Variants in CLPX observed in about 807,000 individuals in gnomAD.
The protein encoded by CLPX is ATP-dependent clpX-like chaperone, mitochondrial.
In CLPX, 34 loss-of-function variants were observed where a neutral mutation model predicts 76.4. That is an observed-to-expected ratio of 0.45 (90% CI 0.34 to 0.59). CLPX has a LOEUF of 0.59. Ranked by LOEUF, CLPX falls within the 20% of genes least tolerant of loss-of-function variation. The pLI is 0.01. For missense variants in CLPX, 613 were observed against 757.0 expected (o/e 0.81, Z 2.23); for synonymous variants, 248 against 270.9 (o/e 0.92, Z 0.83).
At position 65,149,987 on chromosome 15, in the gene CLPX, C is replaced by T. The variant is rs757374714; in HGVS notation, c.*836G>A. ...AGATAAGACTAGGAATACAGCTAAA[C>T]CAATTATCAAAATATAGTTCTTCAG... is the stretch of plus-strand genomic sequence containing the variant. On this transcript the variant is annotated 3_prime_UTR_variant, in exon 14 of 14. Coordinates refer to ENST00000300107, the MANE Select transcript of CLPX (RefSeq NM_006660.5). 34 of 152,030 alleles carry T rather than the reference C, an allele frequency of 2.2e-4. No individual in the cohort carries two copies. Among genetic ancestry groups the T allele is most frequent in the Non-Finnish European group, 4.4e-4 (30 of 68,212 alleles). The allele number at this position is 152,030 out of a possible 1,614,324, so 9.4% of individuals were successfully genotyped here. A position where few individuals can be genotyped will look rare whatever the true frequency, so the allele number is the denominator to read the frequency against.
At chr15:65,171,197 A>G (rs745316685) in intron 3 of CLPX, among the ~76,000 whole-genome samples, 47 of 152,218 alleles carry the variant, frequency 3.1e-4, no homozygotes, top group Non-Finnish European at 5.1e-4. Flanking sequence ...CTGTAATCCT[A>G]GCACTCTGGG....
At chr15:65,154,723 G>A in intron 11 of CLPX, 59 bp downstream of exon 11, 2 of 1,346,604 alleles carry the variant, frequency 1.5e-6, no homozygotes, top group Non-Finnish European at 2.0e-6. Context: ...GTTAATTTAT[G>A]TAGAATTTCA....
chr15:65,161,841 G>A (rs1402014230), intron 6 of CLPX, among the ~76,000 whole-genome samples: 2 of 151,592 alleles, frequency 1.3e-5, no homozygotes, highest in Non-Finnish European at 2.9e-5. Flanking sequence ...AAAAATAACT[G>A]GGGATAATGT....
chr15:65,170,571 C>T (rs1426551253), intron 3 of CLPX, among the ~76,000 whole-genome samples: 1 of 151,878 alleles, frequency 6.6e-6, no homozygotes, highest in Non-Finnish European at 1.5e-5. Flanking sequence ...TTGAGACCAC[C>T]CTGGCCAACA....
rs36113271 is a variant in CLPX at position 65,149,860 on chromosome 15, T to TAA, written c.*961_*962dup. 0.011 allele frequency: 1,259 copies of TAA among 118,732 alleles called. 23 individuals are homozygous for TAA. The highest frequency in any genetic ancestry group is 0.024 in the African/African-American group (745 of 30,422). The allele number at this position is 118,732 out of a possible 1,614,324, so 7.4% of individuals were successfully genotyped here. On this transcript the variant is annotated 3_prime_UTR_variant, in exon 14 of 14. Coordinates refer to ENST00000300107, the MANE Select transcript of CLPX (RefSeq NM_006660.5). ...GGGACAGCGTGAGACTCCGCTCAAT[T>TAA]AAAAAAAAAAAAAAAAAAAAGATGG...
chr15:65,166,919 A>G (rs2140631367), intron 3 of CLPX, 134 bp from the exon 4 acceptor site: 1 of 785,160 alleles, frequency 1.3e-6, no homozygotes, highest in Admixed American at 3.0e-5. Flanking sequence ...TACTTGCCAC[A>G]CAAACAGCCT....
chr15:65,151,520 C>G lies in CLPX; in HGVS notation c.1812-607G>C, dbSNP rs1005168740. Among the ~76,000 whole-genome samples, 8 of 146,434 alleles carry G rather than the reference C, an allele frequency of 5.5e-5. No homozygotes were observed. The East Asian group carries it at 1.7e-3, about 30-fold the overall frequency. Reference sequence around the variant, plus strand: ...CAATTGTGAAGGCTTAAAAAATCCTCTTCTCCAAGAAAGTATCATCTGTTA... The same window carrying G: ...CAATTGTGAAGGCTTAAAAAATCCTGTTCTCCAAGAAAGTATCATCTGTTA... On this transcript the variant is annotated intron_variant, in intron 13 of 13. Coordinates refer to ENST00000300107, the MANE Select transcript of CLPX (RefSeq NM_006660.5).
rs1030780568 is a variant in CLPX, at chr15:65,166,705, T to C, written c.439A>G (p.Ile147Val). The C allele has an allele frequency of 6.2e-7, 1 of 1,614,052 alleles. No homozygotes were observed. The highest frequency in any genetic ancestry group is 1.7e-5 in the Admixed American group (1 of 60,008). ...TCTGCTGCTGATTCAGGTTCTTTAA[T>C]TATGCTTTTCTTTGAGTCTGCTTCA... ...LSEADSKKSIIKEPESAAEAV... is the reference protein window; with the variant it reads ...LSEADSKKSIVKEPESAAEAV... The change falls in exon 4 of 14, where the codon ATT (isoleucine) becomes GTT (valine). Residue 147 changes from isoleucine to valine, a missense_variant. Coordinates refer to ENST00000300107, the MANE Select transcript of CLPX (RefSeq NM_006660.5).
chr15:65,174,329 A>T (rs2088057041), intron 3 of CLPX, among the ~76,000 whole-genome samples: 1 of 147,264 alleles, frequency 6.8e-6, no homozygotes, highest in Non-Finnish European at 1.5e-5. Context: ...CAGTGGTGTG[A>T]TCTCGGCTCA....
chr15:65,185,137 G>C lies in CLPX; in HGVS notation c.17C>G (p.Ala6Gly). The change falls in exon 1 of 14, where the codon GCT becomes GGT. Residue 6 changes from alanine (A) to glycine (G), a missense_variant. Ala to Gly is a moderately conservative substitution (Grantham distance 60). Coordinates refer to ENST00000300107, the MANE Select transcript of CLPX (RefSeq NM_006660.5). ...GACGGCCGCCGCGCCGCAAGTACAAGCACCGCAGCTGGGCATCTCCGCGAG... is the reference window on the plus strand; with the variant it reads ...GACGGCCGCCGCGCCGCAAGTACAACCACCGCAGCTGGGCATCTCCGCGAG... MPSCG[A>G]CTCGAAAVRL... 1 of 1,573,970 alleles carries C rather than the reference G, an allele frequency of 6.4e-7. No individual in the cohort carries two copies. Among genetic ancestry groups the C allele is most frequent in the Non-Finnish European group, 8.6e-7 (1 of 1,159,934 alleles).
chr15:65,161,118 G>A (rs1275359921), intron 6 of CLPX, among the ~76,000 whole-genome samples: 1 of 152,154 alleles, frequency 6.6e-6, no homozygotes, highest in African/African-American at 2.4e-5. Context: ...TTTTATAAGT[G>A]TTACAGAAGA....
intron 6 of CLPX, among the ~76,000 whole-genome samples, chr15:65,160,311 T>C (rs560192207): frequency 8.5e-5 from 13 of 152,276 alleles, no homozygotes; most frequent in African/African-American, 2.6e-4. Context: ...TCCATAAACA[T>C]CTGGATTAAA....
intron 6 of CLPX, 96 bp from the exon 7 acceptor site, chr15:65,158,847 T>C (rs1056322826): frequency 1.1e-5 from 11 of 1,008,632 alleles, no homozygotes; most frequent in African/African-American, 6.6e-5. Context: ...AATATCGACA[T>C]AGAAAAATTT....
chr15:65,168,185 C>T (rs1431910415), intron 3 of CLPX, among the ~76,000 whole-genome samples: 1 of 150,818 alleles, frequency 6.6e-6, no homozygotes. Flanking sequence ...GTCAGGAGAT[C>T]GAGACCTGGC....
chr15:65,152,785 T>C (rs987619135), intron 12 of CLPX, among the ~76,000 whole-genome samples: 7 of 151,558 alleles, frequency 4.6e-5, no homozygotes, highest in African/African-American at 1.5e-4. Flanking sequence ...TTAGTAGAGA[T>C]GGGGTTTCGC....
intron 13 of CLPX, among the ~76,000 whole-genome samples, chr15:65,151,627 T>C (rs1566977990): frequency 6.6e-6 from 1 of 152,138 alleles, no homozygotes; most frequent in Non-Finnish European, 1.5e-5. Context: ...CTCGAACTAG[T>C]AAAAATGATA....
chr15:65,162,686 G>A, intron 5 of CLPX, 41 bp from the exon 6 acceptor site: 1 of 1,220,876 alleles, frequency 8.2e-7, no homozygotes, highest in Non-Finnish European at 1.2e-6. Flanking sequence ...TGTTTACCTT[G>A]GGGGAACAAA....
intron 4 of CLPX, among the ~76,000 whole-genome samples, chr15:65,165,437 G>A (rs2087898887): frequency 7.8e-6 from 1 of 128,312 alleles, no homozygotes; most frequent in African/African-American, 3.0e-5. Context: ...AGGCTGGAGT[G>A]CAGTGGCGTG....
At chr15:65,151,201 C>T (rs1258035896) in intron 13 of CLPX, among the ~76,000 whole-genome samples, 1 of 151,526 alleles carries the variant, frequency 6.6e-6, no homozygotes, top group Non-Finnish European at 1.5e-5. Context: ...AAAAATTAGC[C>T]GGGTGTGGTG....
Sources: gnomAD v4.1 joint callset for allele counts (sites outside exome capture counted in the v4.1 genomes callset) on GRCh38, gnomAD v4.1.1 for gene constraint, MANE v1.5 for transcripts, NCBI Gene and HGNC (gene_info 2026-07-23, HGNC 2026-07-21) for gene names.